PPRC1: variants seen among roughly 807,000 people sequenced by gnomAD.
PPRC1 encodes the protein PPARG related coactivator 1, also known as peroxisome proliferator-activated receptor gamma coactivator-related protein 1.
A neutral mutation model predicts 132.5 loss-of-function variants in PPRC1; 23 were observed. The ratio of observed to expected loss-of-function variants is 0.17; its 90% CI spans 0.12 to 0.25. PPRC1 has a LOEUF of 0.25. Among genes scored for constraint, PPRC1 ranks in the 10% least tolerant of loss-of-function variants. The pLI, the probability that PPRC1 is intolerant of heterozygous loss-of-function variation, is 1.00. For synonymous variants in PPRC1, 872 were observed against 833.5 expected (o/e 1.05, Z -0.80); for missense variants, 2,006 against 2,089.1 (o/e 0.96, Z 0.78).
the PPRC1 span, among the ~76,000 whole-genome samples, chr10:102,127,047 ATATATAT>A: frequency 3.5e-5 from 2 of 57,654 alleles, no homozygotes; most frequent in African/African-American, 7.6e-5. Flanking sequence ...ATATATATAT[ATATATAT>A]ATATATATAT....
In PPRC1 at chr10:102,141,457, A is replaced by G. The variant is rs774631758; in HGVS notation, c.2949A>G (p.Gly983=). 1 of 1,613,604 alleles carries G rather than the reference A, an allele frequency of 6.2e-7. No homozygotes were observed. Among genetic ancestry groups the G allele is most frequent in the Admixed American group, 1.7e-5 (1 of 59,982 alleles). The part of the protein sequence containing the change: ...YSSTCTYGPL[G]WGPGPQHAPF... ...CCACATGTACCTATGGGCCCTTGGGATGGGGCCCAGGGCCTCAACATGCTC... is the reference window on the plus strand; with the variant it reads ...CCACATGTACCTATGGGCCCTTGGGGTGGGGCCCAGGGCCTCAACATGCTC... Residue 983 remains glycine, a synonymous_variant, in exon 5 of 14, where the codon GGA becomes GGG. Coordinates refer to ENST00000278070, the MANE Select transcript of PPRC1 (RefSeq NM_015062.5).
chr10:102,142,401 T>C (rs546604633), intron 5 of PPRC1, among the ~76,000 whole-genome samples: 12 of 6,210 alleles, frequency 1.9e-3, no homozygotes, highest in Admixed American at 7.9e-3. Flanking sequence ...GCACCATGCC[T>C]TTTTTTTTTT....
chr10:102,130,619 C>A (rs2068526082), upstream of PPRC1, among the ~76,000 whole-genome samples: 1 of 151,918 alleles, frequency 6.6e-6, no homozygotes, highest in Admixed American at 6.6e-5. Context: ...CCTGTAACCC[C>A]AGCTACTCAG....
At position 102,150,176 on chromosome 10, in the gene PPRC1, TCAG is replaced by T; in HGVS notation, c.*148_*150del. 1 of 613,382 alleles carries T rather than the reference TCAG, an allele frequency of 1.6e-6. No individual in the cohort carries two copies. The highest frequency in any genetic ancestry group is 1.9e-5 in the African/African-American group (1 of 53,880). 38.0% of individuals were successfully genotyped at this position (613,382 alleles called of 1,614,324 possible). The stretch of plus-strand genomic sequence containing the variant: ...AAAGTGAAATAAAAAATATGTTGAA[TCAG>T]ATTTTTTAAAAGGGGTATTTGTTTT... On this transcript the variant is annotated 3_prime_UTR_variant, in exon 14 of 14. Coordinates refer to ENST00000278070, the MANE Select transcript of PPRC1 (RefSeq NM_015062.5).
intron 1 of PPRC1, among the ~76,000 whole-genome samples, chr10:102,136,884 A>AGGCC (rs1234657535): frequency 2.0e-5 from 3 of 152,130 alleles, no homozygotes; most frequent in Admixed American, 1.3e-4. Context: ...CTGACACGAG[A>AGGCC]GGCCGTAAAT....
Position 102,144,393 on chromosome 10 carries a change from G to A in PPRC1, c.3608+86G>A. The A allele has an allele frequency of 3.8e-6, 5 of 1,308,868 alleles. No homozygotes were observed. The East Asian group carries it at 1.2e-4, about 30-fold the overall frequency. The allele number at this position is 1,308,868 out of a possible 1,614,324, so 81.1% of individuals were successfully genotyped here. On this transcript the variant is annotated intron_variant, in intron 7 of 13. Coordinates refer to ENST00000278070, the MANE Select transcript of PPRC1 (RefSeq NM_015062.5). ...CCAGGACTGTCAACTGGATGCCTCT[G>A]TTGCAGGGACGCTGTAGTCAGCTCT...
chr10:102,142,045 C>G (rs773307352), intron 5 of PPRC1, 41 bp downstream of exon 5: 2 of 1,553,588 alleles, frequency 1.3e-6, no homozygotes, highest in African/African-American at 2.7e-5. Flanking sequence ...CCCAAGTTGG[C>G]TGGGGGACTC....
the PPRC1 span, chr10:102,120,132 G>A: frequency 7.5e-7 from 1 of 1,325,060 alleles, no homozygotes; most frequent in Non-Finnish European, 9.8e-7. Flanking sequence ...CCGCCTCTGG[G>A]GGCCCAGCCG....
At position 102,148,855 on chromosome 10, in the gene PPRC1, C is replaced by T. The variant is rs146533637; in HGVS notation, c.4656C>T (p.Gly1552=). The T allele has an allele frequency of 3.3e-4, 530 of 1,614,010 alleles. No individual in the cohort carries two copies. The highest frequency in any genetic ancestry group is 4.2e-4 in the Non-Finnish European group (491 of 1,180,036). Residue 1552 remains glycine, a synonymous_variant, in exon 12 of 14, where the codon GGC becomes GGT. Coordinates refer to ENST00000278070, the MANE Select transcript of PPRC1 (RefSeq NM_015062.5). The surrounding 1 kb of genome is among the most constrained non-coding windows in gnomAD (Gnocchi z 4.2). ...RRVVFIGKIP[G]RMTRSELKQR... ...TGGTCTTCATTGGAAAGATACCTGG[C>T]CGCATGACTCGATCAGAGCTGAAAC...
upstream of PPRC1, among the ~76,000 whole-genome samples, chr10:102,131,067 C>T (rs1465551745): frequency 1.3e-5 from 2 of 151,138 alleles, no homozygotes; most frequent in South Asian, 4.2e-4. Context: ...TGGTGGTGGG[C>T]ACCTGTAGTC....
chr10:102,133,115 G>C lies in PPRC1; in HGVS notation c.47G>C (p.Ser16Thr). ...GRRDGVAPPP[S>T]GGPGPDPGGG... is the part of the protein sequence containing the mutation. ...AGAGACGGAGTCGCGCCGCCCCCGAGTGGGGGCCCCGGTCCGGACCCTGGC... is the reference window on the plus strand; with the variant it reads ...AGAGACGGAGTCGCGCCGCCCCCGACTGGGGGCCCCGGTCCGGACCCTGGC... Residue 16 changes from serine to threonine, a missense_variant, in exon 1 of 14, where the codon AGT becomes ACT. By Grantham distance (58) the Ser-to-Thr change is moderately conservative. This residue lies in a region of PPRC1 where 1,914 missense variants were observed against 1,917.2 expected (regional missense o/e 1.00). Transcript: ENST00000278070. 1 of 1,246,496 alleles carries C rather than the reference G, an allele frequency of 8.0e-7. No homozygotes were observed. The highest frequency in any genetic ancestry group is 1.0e-6 in the Non-Finnish European group (1 of 988,984). The allele number at this position is 1,246,496 out of a possible 1,614,324, so 77.2% of individuals were successfully genotyped here.
chr10:102,132,795 G>A (rs778840097), upstream of PPRC1, among the ~76,000 whole-genome samples: 12 of 152,214 alleles, frequency 7.9e-5, no homozygotes, highest in African/African-American at 2.2e-4. Flanking sequence ...ACTGCTGAGC[G>A]CTCCCTAAAT....
At chr10:102,131,725 T>C (rs1048507961), upstream of PPRC1, among the ~76,000 whole-genome samples, 1 of 152,246 alleles carries the variant, frequency 6.6e-6, no homozygotes, top group Non-Finnish European at 1.5e-5. Context: ...TGGCATGATC[T>C]TGGCTCACTA....
At position 102,149,772 on chromosome 10, in the gene PPRC1, GA is replaced by G. The variant is rs1202333429; in HGVS notation, c.4892-151del. 3.3e-5 allele frequency among the ~76,000 whole-genome samples: 5 copies of G among 151,068 alleles called. No homozygotes were observed. The East Asian group carries it at 9.7e-4, about 29-fold the overall frequency. ...AGACCCAAGGGGTGGGACGAGAGGA[GA>G]AATGGGGACTGGGGACTCTCCTATC... On this transcript the variant is annotated intron_variant, in intron 13 of 13. Coordinates refer to ENST00000278070, the MANE Select transcript of PPRC1 (RefSeq NM_015062.5).
At position 102,133,064 on chromosome 10, in the gene PPRC1, C is replaced by G; in HGVS notation, c.-5C>G. On this transcript the variant is annotated 5_prime_UTR_variant, in exon 1 of 14. Transcript: ENST00000278070. ...CAGAGCAGCGCTGGGTGTTCAGGGG[C>G]CAAGATGGCGGCGCGCCGGGGACGG... 1.6e-6 allele frequency: 2 copies of G among 1,241,456 alleles called. No individual in the cohort carries two copies. Among genetic ancestry groups the G allele is most frequent in the Non-Finnish European group, 2.0e-6 (2 of 987,926 alleles). The allele number at this position is 1,241,456 out of a possible 1,614,324, so 76.9% of individuals were successfully genotyped here.
upstream of PPRC1, among the ~76,000 whole-genome samples, chr10:102,128,031 G>A (rs2068490110): frequency 6.6e-6 from 1 of 152,158 alleles, no homozygotes; most frequent in African/African-American, 2.4e-5. Flanking sequence ...TGGCCAGCCA[G>A]GATGTAGTCA....
chr10:102,144,153 G>A lies in PPRC1; in HGVS notation c.3551-97G>A, dbSNP rs1032691785. On this transcript the variant is annotated intron_variant, in intron 6 of 13. Transcript: ENST00000278070. ...TCCCAACAGGGAATATGTAGGCAAA[G>A]TGGATTTTCCTCCTTTGGGTCTCAA... 7.6e-6 allele frequency: 9 copies of A among 1,189,046 alleles called. No individual in the cohort carries two copies. In the Admixed American group the frequency reaches 1.4e-4, roughly 18 times the overall value. The allele number at this position is 1,189,046 out of a possible 1,614,324, so 73.7% of individuals were successfully genotyped here. A position where few individuals can be genotyped will look rare whatever the true frequency, so the allele number is the denominator to read the frequency against.
In PPRC1 at chr10:102,147,345, C is replaced by T; in HGVS notation, c.4353C>T (p.Ser1451=). ...SSSSSSSSSS[S]RSRSRSLSPP... ...CATCCTCATCATCGTCTTCCTCATCCCGATCTCGGTCCAGGTCCCTCTCCC... is the reference window on the plus strand; with the variant it reads ...CATCCTCATCATCGTCTTCCTCATCTCGATCTCGGTCCAGGTCCCTCTCCC... The change falls in exon 9 of 14, where the codon TCC becomes TCT. Residue 1451 remains serine (S), a synonymous_variant. Coordinates refer to ENST00000278070, the MANE Select transcript of PPRC1 (RefSeq NM_015062.5). 1 of 1,610,804 alleles carries T rather than the reference C, an allele frequency of 6.2e-7. No individual in the cohort carries two copies. The highest frequency in any genetic ancestry group is 8.5e-7 in the Non-Finnish European group (1 of 1,179,916).
chr10:102,139,270 C>T lies in PPRC1; in HGVS notation c.762C>T (p.Ser254=), dbSNP rs149934367. 2.1e-5 allele frequency: 34 copies of T among 1,614,196 alleles called. No individual in the cohort carries two copies. Among genetic ancestry groups the T allele is most frequent in the Non-Finnish European group, 2.9e-5 (34 of 1,180,028 alleles). The change falls in exon 5 of 14, where the codon AGC becomes AGT. Residue 254 remains serine, a synonymous_variant. Transcript: ENST00000278070. The part of the protein sequence containing the change: ...SDGEEEEEVA[S]FSGQILAGEL... ...GAGAAGAAGAGGAGGAGGTGGCCAG[C>T]TTCAGTGGCCAGATTCTTGCCGGGG...
Sources: allele counts gnomAD v4.1 joint callset (sites outside exome capture counted in the v4.1 genomes callset), GRCh38; gene constraint gnomAD v4.1.1; regional missense constraint gnomAD v4.1.1; non-coding constraint Gnocchi (gnomAD v3.1); transcripts MANE v1.5; gene names NCBI Gene and HGNC (gene_info 2026-07-23, HGNC 2026-07-21).